The following CHRM3 variants were observed in gnomAD, a reference collection of about 807,000 sequenced individuals.
CHRM3 encodes muscarinic acetylcholine receptor M3.
CHRM3 carries 11 observed loss-of-function variants against 41.8 expected under a neutral mutation model. The ratio of observed to expected loss-of-function variants is 0.26; its 90% confidence interval spans 0.17 to 0.44. CHRM3 has a LOEUF of 0.44. Ranked by LOEUF, CHRM3 falls within the 20% of genes least tolerant of loss-of-function variation. CHRM3 has a pLI of 1.00. For missense variants in CHRM3, 571 were observed against 745.4 expected (o/e 0.77, Z 2.72); for synonymous variants, 297 against 301.4 (o/e 0.99, Z 0.15).
chr1:239,872,233 G>C (rs893469664), intron 6 of CHRM3, among the ~76,000 whole-genome samples: 35 of 152,286 alleles, frequency 2.3e-4, no homozygotes, highest in African/African-American at 8.4e-4. Flanking sequence ...TAAGTCAGAA[G>C]ATCTCACCTT....
intron 1 of CHRM3, among the ~76,000 whole-genome samples, chr1:239,412,385 C>G (rs1258098773): frequency 7.1e-6 from 1 of 140,106 alleles, no homozygotes; most frequent in Non-Finnish European, 1.5e-5. Context: ...CTGTTCCAGT[C>G]AGCACTGGTT....
At chr1:239,721,943 A>G (rs928997248) in intron 5 of CHRM3, among the ~76,000 whole-genome samples, 3 of 151,798 alleles carry the variant, frequency 2.0e-5, no homozygotes, top group African/African-American at 7.2e-5. Flanking sequence ...TTTTTTTAAG[A>G]TGCACTTTTA....
At chr1:239,561,143 C>T (rs1004885791) in intron 3 of CHRM3, among the ~76,000 whole-genome samples, 1 of 152,154 alleles carries the variant, frequency 6.6e-6, no homozygotes, top group Non-Finnish European at 1.5e-5. Context: ...TCCGCAGGAC[C>T]ACTCTTGTGC....
At chr1:239,552,858 C>G (rs1235163027) in intron 3 of CHRM3, among the ~76,000 whole-genome samples, 8 of 151,824 alleles carry the variant, frequency 5.3e-5, no homozygotes, top group Non-Finnish European at 5.9e-5. Context: ...TTCCTGATAC[C>G]TTTATGAGTC....
At chr1:239,863,581 TG>T (rs1360378808) in intron 6 of CHRM3, among the ~76,000 whole-genome samples, 1 of 152,196 alleles carries the variant, frequency 6.6e-6, no homozygotes, top group Admixed American at 6.5e-5. Context: ...CCATCAGGGC[TG>T]GTTCCTCAGG....
chr1:239,636,599 AT>A (rs1247954206), intron 4 of CHRM3, among the ~76,000 whole-genome samples: 2 of 152,162 alleles, frequency 1.3e-5, no homozygotes, highest in Admixed American at 1.3e-4. Flanking sequence ...AAATATTTAC[AT>A]TCTGATTTCT....
At chr1:239,854,028 C>T (rs1435059697) in intron 6 of CHRM3, among the ~76,000 whole-genome samples, 1 of 151,994 alleles carries the variant, frequency 6.6e-6, no homozygotes, top group African/African-American at 2.4e-5. Flanking sequence ...AAAGATTTTA[C>T]CTACATCATA....
In CHRM3 at chr1:239,914,322, A is replaced by G. The variant is rs1019226831; in HGVS notation, c.*5098A>G. On this transcript the variant is annotated 3_prime_UTR_variant, in exon 7 of 7. Transcript: ENST00000676153. Reference sequence around the variant, plus strand: ...GAATCTGGCAAATTGCATATATTCAATAAATGTTGAATATCTAATAACCTC... The same window carrying G: ...GAATCTGGCAAATTGCATATATTCAGTAAATGTTGAATATCTAATAACCTC... 6.0e-6 allele frequency: 1 copy of G among 167,068 alleles called. No individual in the cohort carries two copies. The highest frequency in any genetic ancestry group is 1.5e-5 in the Non-Finnish European group (1 of 68,124). The allele number at this position is 167,068 out of a possible 1,614,324, so 10.3% of individuals were successfully genotyped here. A position where few individuals can be genotyped will look rare whatever the true frequency, so the allele number is the denominator to read the frequency against.
intron 1 of CHRM3, among the ~76,000 whole-genome samples, chr1:239,450,220 C>G (rs1362479013): frequency 6.6e-6 from 1 of 152,106 alleles, no homozygotes; most frequent in Non-Finnish European, 1.5e-5. Context: ...GTAAATGAAA[C>G]TTAAGTACCT....
chr1:239,533,343 G>A (rs1034378540), intron 2 of CHRM3, among the ~76,000 whole-genome samples: 4 of 151,762 alleles, frequency 2.6e-5, no homozygotes, highest in Admixed American at 2.6e-4. Flanking sequence ...CATGGCTGGG[G>A]AGGCCTCAGG....
At chr1:239,746,236 A>G (rs916555968) in intron 5 of CHRM3, among the ~76,000 whole-genome samples, 1 of 152,212 alleles carries the variant, frequency 6.6e-6, no homozygotes, top group Non-Finnish European at 1.5e-5. Flanking sequence ...AACTCTTCGT[A>G]ATTAAAACAT....
chr1:239,846,255 A>G (rs1318111794), intron 6 of CHRM3, among the ~76,000 whole-genome samples: 1 of 152,182 alleles, frequency 6.6e-6, no homozygotes, highest in African/African-American at 2.4e-5. Flanking sequence ...TTTCTCTTGA[A>G]AGGCCTATAA....
At chr1:239,596,497 A>G (rs959709421) in intron 3 of CHRM3, among the ~76,000 whole-genome samples, 7 of 152,320 alleles carry the variant, frequency 4.6e-5, no homozygotes, top group Non-Finnish European at 8.8e-5. Flanking sequence ...TCATTGTTTT[A>G]CTATTTGAAG....
intron 2 of CHRM3, among the ~76,000 whole-genome samples, chr1:239,542,038 A>G (rs547510551): frequency 6.6e-6 from 1 of 152,282 alleles, no homozygotes; most frequent in South Asian, 2.1e-4. Flanking sequence ...AGGCCGGTAG[A>G]TAGGCAGAAA....
intron 2 of CHRM3, among the ~76,000 whole-genome samples, chr1:239,497,878 GA>G (rs925158245): frequency 9.2e-5 from 14 of 152,332 alleles, no homozygotes; most frequent in African/African-American, 3.4e-4. Flanking sequence ...TCTCCAGGGG[GA>G]AAGTTATACA....
chr1:239,777,233 A>C (rs760300477), intron 5 of CHRM3, among the ~76,000 whole-genome samples: 65 of 152,346 alleles, frequency 4.3e-4, no homozygotes, highest in Non-Finnish European at 7.3e-4. Flanking sequence ...CCACTAAAAG[A>C]AAGTCAAGCC....
At chr1:239,696,897 G>GA (rs1347411490) in intron 5 of CHRM3, among the ~76,000 whole-genome samples, 2 of 152,192 alleles carry the variant, frequency 1.3e-5, no homozygotes, top group Non-Finnish European at 2.9e-5. Flanking sequence ...CACTGTAAGG[G>GA]AAAAAAACTG....
intron 1 of CHRM3, among the ~76,000 whole-genome samples, chr1:239,479,959 T>C (rs767481185): frequency 2.0e-5 from 3 of 152,156 alleles, no homozygotes; most frequent in Non-Finnish European, 4.4e-5. Flanking sequence ...AATAAAGTAA[T>C]TGTGCTATGA....
At chr1:239,889,323 C>T (rs1398764655) in intron 6 of CHRM3, among the ~76,000 whole-genome samples, 3 of 152,144 alleles carry the variant, frequency 2.0e-5, no homozygotes, top group Non-Finnish European at 4.4e-5. Flanking sequence ...GTAGCCCCCC[C>T]TCTAATCTTT....
Sources: allele counts gnomAD v4.1 joint callset (sites outside exome capture counted in the v4.1 genomes callset), GRCh38; gene constraint gnomAD v4.1.1; transcripts MANE v1.5; gene names NCBI Gene and HGNC (gene_info 2026-07-23, HGNC 2026-07-21).